Variants in BCL2L13 observed in about 807,000 individuals in gnomAD.
BCL2L13 encodes the protein bcl-2-like protein 13.
A neutral mutation model predicts 25.8 loss-of-function variants in BCL2L13; 13 were observed. The ratio of observed to expected loss-of-function variants is 0.50; its 90% confidence interval spans 0.33 to 0.80. The LOEUF (loss-of-function observed/expected upper bound fraction) is 0.80, where lower values mean the gene tolerates loss of function less well. Ranked by LOEUF, BCL2L13 falls within the 30% of genes least tolerant of loss-of-function variation. The probability of loss-of-function intolerance (pLI) is 0.02; values close to 1 mark genes in which losing one functional copy is unlikely to be tolerated. For missense variants in BCL2L13, 504 were observed against 574.9 expected (o/e 0.88, Z 1.26); for synonymous variants, 244 against 230.3 (o/e 1.06, Z -0.54).
chr22:17,663,776 C>T (rs372326560), intron 2 of BCL2L13, among the ~76,000 whole-genome samples: 5 of 148,698 alleles, frequency 3.4e-5, no homozygotes, highest in Non-Finnish European at 4.5e-5. Flanking sequence ...AACCTCCACC[C>T]GCCTAGTTCA....
intron 1 of BCL2L13, among the ~76,000 whole-genome samples, chr22:17,631,914 G>T (rs1307944651): frequency 6.6e-6 from 1 of 150,766 alleles, no homozygotes; most frequent in East Asian, 2.0e-4. Flanking sequence ...TAGAGATGGG[G>T]TTTCACCATA....
chr22:17,685,833 G>A (rs1254399775), intron 3 of BCL2L13, among the ~76,000 whole-genome samples: 1 of 131,992 alleles, frequency 7.6e-6, no homozygotes, highest in Admixed American at 9.0e-5. Flanking sequence ...GTGCAGTGGC[G>A]GGATCTCGAC....
intron 3 of BCL2L13, among the ~76,000 whole-genome samples, chr22:17,684,849 C>T (rs577052549): frequency 3.3e-5 from 5 of 152,192 alleles, no homozygotes; most frequent in African/African-American, 1.2e-4. Flanking sequence ...TCTCCTGCCT[C>T]AGCCTCCCGA....
intron 5 of BCL2L13, among the ~76,000 whole-genome samples, 192 bp downstream of exon 5, chr22:17,696,402 A>C (rs1241633621): frequency 6.6e-6 from 1 of 152,182 alleles, no homozygotes; most frequent in African/African-American, 2.4e-5. Context: ...GCTCAAAATT[A>C]TGTGTCCTAT....
chr22:17,697,522 A>C (rs1225672781), intron 5 of BCL2L13, among the ~76,000 whole-genome samples: 2 of 152,322 alleles, frequency 1.3e-5, no homozygotes. Context: ...TCTGAGTCTT[A>C]GTTTTCTCAT....
intron 4 of BCL2L13, among the ~76,000 whole-genome samples, chr22:17,690,523 T>C (rs928648235): frequency 6.6e-6 from 1 of 151,622 alleles, no homozygotes; most frequent in Admixed American, 6.6e-5. Context: ...CTTTGGGAGG[T>C]CCAGGCGGGA....
At position 17,683,302 on chromosome 22, in the gene BCL2L13, G is replaced by C. The variant is rs1349381991; in HGVS notation, c.210G>C (p.Leu70=). ...AAATTGAAGAAGAGCTAAAATCTCT[G>C]GACAAAGAAATTTCTGAAGGTCTGT... ...KTEIEEELKS[L]DKEISEAFTS... The change falls in exon 3 of 7, where the codon CTG becomes CTC. Residue 70 remains leucine (L), a synonymous_variant. Coordinates refer to ENST00000317582, the MANE Select transcript of BCL2L13 (RefSeq NM_015367.4). The C allele has an allele frequency of 3.8e-6, 6 of 1,560,866 alleles. No individual in the cohort carries two copies. In the Admixed American group the frequency reaches 1.1e-4, roughly 29 times the overall value.
rs2059484682 is a variant in BCL2L13 at position 17,673,566 on chromosome 22, A to AT, written c.122-9647dup. Among the ~76,000 whole-genome samples, 3 of 141,892 alleles carry AT rather than the reference A, an allele frequency of 2.1e-5. No homozygotes were observed. In the South Asian group the frequency reaches 6.6e-4, roughly 31 times the overall value. The allele number at this position is 141,892 out of a possible 152,430, so 93.1% of individuals were successfully genotyped here. On this transcript the variant is annotated intron_variant, in intron 2 of 6. Transcript: ENST00000317582. ...TTTTTTTTTTGTATTTTTAGTAGAGATGGGGTTTCACTGTGTTAGCCAGAC... is the reference window on the plus strand; with the variant it reads ...TTTTTTTTTTGTATTTTTAGTAGAGATTGGGGTTTCACTGTGTTAGCCAGAC...
upstream of BCL2L13, among the ~76,000 whole-genome samples, chr22:17,634,570 A>G (rs1006377255): frequency 6.6e-6 from 1 of 152,164 alleles, no homozygotes; most frequent in African/African-American, 2.4e-5. Flanking sequence ...TAGCTTCACA[A>G]GAGGGACCGC....
At chr22:17,659,614 T>A (rs2059002954) in intron 2 of BCL2L13, among the ~76,000 whole-genome samples, 1 of 144,494 alleles carries the variant, frequency 6.9e-6, no homozygotes, top group South Asian at 2.2e-4. Context: ...TGAACCGAGA[T>A]CATGCCACTG....
chr22:17,684,928 T>G (rs2059873317), intron 3 of BCL2L13, among the ~76,000 whole-genome samples: 1 of 152,066 alleles, frequency 6.6e-6, no homozygotes, highest in Non-Finnish European at 1.5e-5. Context: ...GAGACGGGGT[T>G]TCAGCGTGTT....
intron 6 of BCL2L13, among the ~76,000 whole-genome samples, chr22:17,722,253 A>G (rs1056086277): frequency 3.3e-5 from 5 of 152,014 alleles, no homozygotes; most frequent in African/African-American, 1.2e-4. Context: ...AATTGAGACA[A>G]GATCTTGCTC....
At chr22:17,720,170 C>T (rs1569014190) in intron 6 of BCL2L13, among the ~76,000 whole-genome samples, 1 of 150,950 alleles carries the variant, frequency 6.6e-6, no homozygotes, top group Non-Finnish European at 1.5e-5. Context: ...TTCTTTCTTT[C>T]TTTCTTTCTT....
chr22:17,632,670 T>C (rs1300066398), intron 1 of BCL2L13, among the ~76,000 whole-genome samples: 1 of 152,112 alleles, frequency 6.6e-6, no homozygotes, highest in African/African-American at 2.4e-5. Context: ...GAAATTAATA[T>C]CTGGAATGGA....
intron 6 of BCL2L13, among the ~76,000 whole-genome samples, chr22:17,723,661 G>A (rs570256052): frequency 1.1e-3 from 160 of 152,242 alleles, no homozygotes; most frequent in Middle Eastern, 3.4e-3. Context: ...CGGGCCGGGC[G>A]CGGTGTCTCA....
At chr22:17,706,896 T>C in intron 6 of BCL2L13, 1 of 1,202,976 alleles carries the variant, frequency 8.3e-7, no homozygotes, top group South Asian at 1.2e-5. Flanking sequence ...ACTTTTAGAT[T>C]CCATAAAAGA....
intron 5 of BCL2L13, 31 bp downstream of exon 5, chr22:17,696,241 G>A: frequency 1.9e-6 from 3 of 1,563,006 alleles, no homozygotes; most frequent in Non-Finnish European, 2.6e-6. Context: ...TCTCTTAAAA[G>A]ATTTTAGTGT....
intron 6 of BCL2L13, among the ~76,000 whole-genome samples, chr22:17,721,240 C>T (rs2061119956): frequency 6.6e-6 from 1 of 152,136 alleles, no homozygotes; most frequent in South Asian, 2.1e-4. Flanking sequence ...TTCAGACATT[C>T]AGGAGCCTCT....
chr22:17,678,357 CT>C (rs2059635543), intron 2 of BCL2L13, among the ~76,000 whole-genome samples: 1 of 152,094 alleles, frequency 6.6e-6, no homozygotes. Flanking sequence ...ATGAAAGTCC[CT>C]GTCAGAAGAC....
Sources: allele counts gnomAD v4.1 joint callset (sites outside exome capture counted in the v4.1 genomes callset), GRCh38; gene constraint gnomAD v4.1.1; transcripts MANE v1.5; gene names NCBI Gene and HGNC (gene_info 2026-07-23, HGNC 2026-07-21).